Variants in CASKIN2 observed in about 807,000 individuals in gnomAD.
CASKIN2 encodes CASK interacting protein 2, also known as caskin-2.
Under a neutral mutation model 107.1 loss-of-function variants are expected in CASKIN2, and 41 were observed. That is an observed-to-expected ratio of 0.38 (90% CI 0.30 to 0.50). The LOEUF is 0.50. Ranked by LOEUF, CASKIN2 falls within the 20% of genes least tolerant of loss-of-function variation. CASKIN2 has a pLI of 0.92. For synonymous variants in CASKIN2, 724 were observed against 705.6 expected (o/e 1.03, Z -0.41); for missense variants, 1,546 against 1,657.4 (o/e 0.93, Z 1.17).
chr17:75,513,713 G>T lies in CASKIN2; in HGVS notation c.92C>A (p.Thr31Lys). The change falls in exon 2 of 20, where the codon ACA (threonine) becomes AAA (lysine). Residue 31 changes from threonine (T) to lysine (K), a missense_variant and splice_region_variant. Coordinates refer to ENST00000321617, the MANE Select transcript of CASKIN2 (RefSeq NM_020753.5). ...TGCTCGTCCCACCCGGTACTCACTT[G>T]TCTTTGTGGCCTTGACCTTCGCCAC... The part of the protein sequence containing the change: ...KLVAKVKATK[T>K]KLLGSTKRLN... 4 of 1,612,580 alleles carry T rather than the reference G, an allele frequency of 2.5e-6. No homozygotes were observed. The highest frequency in any genetic ancestry group is 3.4e-6 in the Non-Finnish European group (4 of 1,179,308).
rs1337726756 is a variant in CASKIN2 at position 75,502,308 on chromosome 17, C to A, written c.2766G>T (p.Pro922=). ...CCTCCGTGTCTGACGCGGGCCCAGC[C>A]GGGGCAGGTGGGCCAGGGGGCTCTG... The part of the protein sequence containing the change: ...GPSEPPGPPA[P]AGPASDTEEE... Residue 922 remains proline (P), a synonymous_variant, in exon 18 of 20, where the codon CCG becomes CCT. Coordinates refer to ENST00000321617, the MANE Select transcript of CASKIN2 (RefSeq NM_020753.5). This position sits in a 1 kb window ranked among gnomAD's most constrained non-coding sequence, Gnocchi z 4.3. 8.0e-6 allele frequency: 12 copies of A among 1,492,034 alleles called. No homozygotes were observed. Among genetic ancestry groups the A allele is most frequent in the Non-Finnish European group, 1.1e-5 (12 of 1,124,078 alleles). 92.4% of individuals were successfully genotyped at this position (1,492,034 alleles called of 1,614,324 possible).
Position 75,506,525 on chromosome 17 carries a change from AG to A in CASKIN2, c.617+57del. On this transcript the variant is annotated intron_variant, in intron 7 of 19. Transcript: ENST00000321617. This position sits in a 1 kb window ranked among gnomAD's most constrained non-coding sequence, Gnocchi z 4.8. The stretch of plus-strand genomic sequence containing the variant: ...AAAAGGGCAGTGGGGGAGAGCACTG[AG>A]GGGCACCGATGGTCCCGCAGGCAGG... The A allele has an allele frequency of 1.2e-6, 2 of 1,604,346 alleles. No individual in the cohort carries two copies. Among genetic ancestry groups the A allele is most frequent in the Non-Finnish European group, 1.7e-6 (2 of 1,175,258 alleles).
chr17:75,502,845 A>G lies in CASKIN2; in HGVS notation c.2229T>C (p.Cys743=), dbSNP rs768924104. ...PEGTERPPKL[C]SSLPGQGPPP... ...GGGGTCCTTGGCCAGGAAGTGAAGA[A>G]CAAAGCTTAGGGGGCCGCTCTGTGC... Residue 743 remains cysteine (C), a synonymous_variant, in exon 18 of 20, where the codon TGT becomes TGC. Transcript: ENST00000321617. The surrounding 1 kb of genome is among the most constrained non-coding windows in gnomAD (Gnocchi z 4.3). 17 of 1,550,534 alleles carry G rather than the reference A, an allele frequency of 1.1e-5. No individual in the cohort carries two copies. The highest frequency in any genetic ancestry group is 9.9e-5 in the South Asian group (8 of 81,182).
chr17:75,503,708 G>A lies in CASKIN2; in HGVS notation c.1631C>T (p.Ser544Leu). ...GGCGATGCTGAGCTGAGCGATCTCT[G>A]AGGCGATCTTCTTCCTGTGCCCAGG... Reference protein sequence around the residue: ...TKPGHRKKIASEIAQLSIAEW... With the variant: ...TKPGHRKKIALEIAQLSIAEW... Residue 544 changes from serine to leucine, a missense_variant, in exon 16 of 20, where the codon TCA becomes TTA. By Grantham distance (145) the Ser-to-Leu change is moderately radical. Transcript: ENST00000321617. 1 of 1,612,592 alleles carries A rather than the reference G, an allele frequency of 6.2e-7. No homozygotes were observed. Among genetic ancestry groups the A allele is most frequent in the Non-Finnish European group, 8.5e-7 (1 of 1,180,004 alleles).
chr17:75,505,219 A>C lies in CASKIN2; in HGVS notation c.931-146T>G. On this transcript the variant is annotated intron_variant, in intron 10 of 19. Transcript: ENST00000321617. The surrounding 1 kb of genome is among the most constrained non-coding windows in gnomAD (Gnocchi z 5.1). Reference sequence around the variant, plus strand: ...TGGCCTCTGATGCCCACACTGGCCCAAGTTCCGCCCCTGCTGCCAGCAGCC... The same window carrying C: ...TGGCCTCTGATGCCCACACTGGCCCCAGTTCCGCCCCTGCTGCCAGCAGCC... The C allele has an allele frequency of 1.1e-6, 1 of 912,168 alleles. No homozygotes were observed. Among genetic ancestry groups the C allele is most frequent in the Non-Finnish European group, 1.7e-6 (1 of 594,104 alleles). The allele number at this position is 912,168 out of a possible 1,614,324, so 56.5% of individuals were successfully genotyped here. A position where few individuals can be genotyped will look rare whatever the true frequency, so the allele number is the denominator to read the frequency against.
chr17:75,501,780 T>G lies in CASKIN2; in HGVS notation c.3294A>C (p.Ala1098=). ...TCTCCCACAGGCCTCCCCTCTTACCTGCTCCGGGCACCTTGAGGAGGGCAG... is the reference window on the plus strand; with the variant it reads ...TCTCCCACAGGCCTCCCCTCTTACCGGCTCCGGGCACCTTGAGGAGGGCAG... ...APAALLKVPG[A]GTAPKPVSVA... is the part of the protein sequence containing the mutation. Residue 1098 remains alanine (A), a splice_region_variant and synonymous_variant, in exon 18 of 20, where the codon GCA becomes GCC. Transcript: ENST00000321617. 1 of 1,531,342 alleles carries G rather than the reference T, an allele frequency of 6.5e-7. No homozygotes were observed. Among genetic ancestry groups the G allele is most frequent in the Admixed American group, 2.1e-5 (1 of 48,436 alleles). The allele number at this position is 1,531,342 out of a possible 1,614,324, so 94.9% of individuals were successfully genotyped here.
rs143732418 is a variant in CASKIN2, at chr17:75,503,130, G to C, written c.1944C>G (p.Ile648Met). 1 of 1,606,350 alleles carries C rather than the reference G, an allele frequency of 6.2e-7. No individual in the cohort carries two copies. The highest frequency in any genetic ancestry group is 1.1e-5 in the South Asian group (1 of 90,266). Reference protein sequence around the residue: ...RLAKGPELMAIEGLENGEGPA... With the variant: ...RLAKGPELMAMEGLENGEGPA... ...GGCCTTCTCCGTTCTCCAGTCCCTC[G>C]ATGGCCATCAGCTCCGGACCCTTGG... The change falls in exon 18 of 20, where the codon ATC becomes ATG. Residue 648 changes from isoleucine to methionine, a missense_variant. Ile to Met is a conservative substitution (Grantham distance 10). This residue lies in a region of CASKIN2 where 1,311 missense variants were observed against 1,311.0 expected (regional missense o/e 1.00). Coordinates refer to ENST00000321617, the MANE Select transcript of CASKIN2 (RefSeq NM_020753.5).
chr17:75,500,834 C>G lies in CASKIN2; in HGVS notation c.*246G>C. ...CAGGAGCAGGGCTGTCCTGCTCAAT[C>G]GATCAAACCCTGGGAGGGGCTTTGC... On this transcript the variant is annotated 3_prime_UTR_variant, in exon 20 of 20. Transcript: ENST00000321617. The G allele has an allele frequency of 2.0e-6, 1 of 507,290 alleles. No homozygotes were observed. Among genetic ancestry groups the G allele is most frequent in the South Asian group, 2.0e-5 (1 of 49,108 alleles). The allele number at this position is 507,290 out of a possible 1,614,324, so 31.4% of individuals were successfully genotyped here.
At chr17:75,501,284 G>A in intron 19 of CASKIN2, 114 bp from the exon 20 acceptor site, 1 of 1,211,262 alleles carries the variant, frequency 8.3e-7, no homozygotes, top group Non-Finnish European at 1.1e-6. Context: ...GACCGGCCAG[G>A]CTCCTGTGCC....
chr17:75,506,362 C>T lies in CASKIN2; in HGVS notation c.669G>A (p.Thr223=), dbSNP rs1184881850. 5 of 1,611,842 alleles carry T rather than the reference C, an allele frequency of 3.1e-6. No individual in the cohort carries two copies. Among genetic ancestry groups the T allele is most frequent in the East Asian group, 2.2e-5 (1 of 44,874 alleles). ...IEINRQTKTG[T]ALHEAALYGK... is the part of the protein sequence containing the mutation. ...CATACAGTGCGGCCTCGTGGAGCGC[C>T]GTACCCGTCTTGGTCTGGCGGTTGA... Residue 223 remains threonine (T), a synonymous_variant, in exon 8 of 20, where the codon ACG becomes ACA. Coordinates refer to ENST00000321617, the MANE Select transcript of CASKIN2 (RefSeq NM_020753.5). The surrounding 1 kb of genome is among the most constrained non-coding windows in gnomAD (Gnocchi z 4.8).
At position 75,513,658 on chromosome 17, in the gene CASKIN2, C is replaced by T. The variant is rs2053332779; in HGVS notation, c.94+53G>A. 8 of 1,377,658 alleles carry T rather than the reference C, an allele frequency of 5.8e-6. No homozygotes were observed. The African/African-American group carries it at 1.1e-4, about 20-fold the overall frequency. 85.3% of individuals were successfully genotyped at this position (1,377,658 alleles called of 1,614,324 possible). A position where few individuals can be genotyped will look rare whatever the true frequency, so the allele number is the denominator to read the frequency against. On this transcript the variant is annotated intron_variant, in intron 2 of 19. Transcript: ENST00000321617. ...TGACCCACCCCCACCCACCAAGCCT[C>T]TGTGAACTGAGCGCTCGGCCTCAGC... is the stretch of plus-strand genomic sequence containing the variant.
intron 1 of CASKIN2, among the ~76,000 whole-genome samples, chr17:75,515,048 C>A (rs9807061): frequency 1.2e-4 from 18 of 152,192 alleles, no homozygotes; most frequent in African/African-American, 4.3e-4. Context: ...ACTCCCCAAA[C>A]GTCCCAAGCC....
At chr17:75,501,364 G>A in intron 19 of CASKIN2, 104 bp downstream of exon 19, 1 of 1,343,104 alleles carries the variant, frequency 7.4e-7, no homozygotes, top group South Asian at 1.3e-5. Context: ...TCCCGTTAGT[G>A]CCTGCAATGT....
chr17:75,512,964 G>A (rs7214794), intron 2 of CASKIN2, among the ~76,000 whole-genome samples: 12,772 of 151,910 alleles, frequency 0.084, 591 homozygotes, highest in Non-Finnish European at 0.1. Flanking sequence ...TGCTCTGGTT[G>A]AAATGTGTGC....
In CASKIN2 at chr17:75,502,455, G is replaced by C. The variant is rs776847589; in HGVS notation, c.2619C>G (p.Pro873=). Reference sequence around the variant, plus strand: ...GGCCAGAGACGGAGCTGAGGCGCTTGGGGGGCGGGGGCGGGGGGCCTTTGC... The same window carrying C: ...GGCCAGAGACGGAGCTGAGGCGCTTCGGGGGCGGGGGCGGGGGGCCTTTGC... The part of the protein sequence containing the change: ...ARRKGPPPPP[P]KRLSSVSGPS... Residue 873 remains proline (P), a synonymous_variant, in exon 18 of 20, where the codon CCC becomes CCG. Coordinates refer to ENST00000321617, the MANE Select transcript of CASKIN2 (RefSeq NM_020753.5). The surrounding 1 kb of genome is among the most constrained non-coding windows in gnomAD (Gnocchi z 4.3). 1.4e-6 allele frequency: 2 copies of C among 1,445,120 alleles called. No homozygotes were observed. Among genetic ancestry groups the C allele is most frequent in the South Asian group, 3.0e-5 (2 of 67,464 alleles). The allele number at this position is 1,445,120 out of a possible 1,614,324, so 89.5% of individuals were successfully genotyped here.
At position 75,502,750 on chromosome 17, in the gene CASKIN2, G is replaced by C. The variant is rs1475569858; in HGVS notation, c.2324C>G (p.Pro775Arg). Reference protein sequence around the residue: ...SPAPGPPPGAPWAFSYLAGPP... With the variant: ...SPAPGPPPGARWAFSYLAGPP... The stretch of plus-strand genomic sequence containing the variant: ...CCCGGCCAAGTAGGAGAAGGCCCAG[G>C]GTGCGCCAGGAGGTGGCCCTGGGGC... Residue 775 changes from proline to arginine, a missense_variant, in exon 18 of 20, where the codon CCC (proline) becomes CGC (arginine). Pro to Arg is a moderately radical substitution (Grantham distance 103). Around this residue, in one of 6 missense-constraint regions of CASKIN2, gnomAD observed 1,311 missense variants for 1,311.0 expected, o/e 1.00. Coordinates refer to ENST00000321617, the MANE Select transcript of CASKIN2 (RefSeq NM_020753.5). The surrounding 1 kb of genome is among the most constrained non-coding windows in gnomAD (Gnocchi z 4.3). 1.3e-6 allele frequency: 2 copies of C among 1,594,202 alleles called. No individual in the cohort carries two copies. The highest frequency in any genetic ancestry group is 8.6e-7 in the Non-Finnish European group (1 of 1,169,350).
intron 11 of CASKIN2, 21 bp downstream of exon 11, chr17:75,504,791 C>T: frequency 6.2e-7 from 1 of 1,600,906 alleles, no homozygotes; most frequent in Non-Finnish European, 8.5e-7. Flanking sequence ...GTGCCCAGCA[C>T]TGCCCCCTGG....
chr17:75,502,602 G>A lies in CASKIN2; in HGVS notation c.2472C>T (p.Gly824=), dbSNP rs2053212455. Residue 824 remains glycine (G), a synonymous_variant, in exon 18 of 20, where the codon GGC becomes GGT. Coordinates refer to ENST00000321617, the MANE Select transcript of CASKIN2 (RefSeq NM_020753.5). The surrounding 1 kb of genome is among the most constrained non-coding windows in gnomAD (Gnocchi z 4.3). ...GCCGCCGGGTAAGGGTAGCATAACT[G>A]CCTAGGGTGCTGCCCACTGGCCCTT... The part of the protein sequence containing the change: ...EAEGPVGSTL[G]SYATLTRRPG... 1.2e-6 allele frequency: 2 copies of A among 1,602,094 alleles called. No individual in the cohort carries two copies. The highest frequency in any genetic ancestry group is 2.7e-5 in the African/African-American group (2 of 74,766).
chr17:75,503,863 T>G lies in CASKIN2; in HGVS notation c.1567A>C (p.Met523Leu), dbSNP rs1283165887. ...AGYDVPTISR[M>L]TPEDLTAIGV... ...GCTGCAGCACCCACCTCAGGTGTCA[T>G]GCGGCTGATGGTAGGCACATCATAG... is the stretch of plus-strand genomic sequence containing the variant. The change falls in exon 15 of 20, where the codon ATG becomes CTG. Residue 523 changes from methionine (M) to leucine (L), a missense_variant. Physicochemically the swap from Met to Leu is conservative, Grantham distance 15 (BLOSUM62 2). This residue lies in a region of CASKIN2 where 1,311 missense variants were observed against 1,311.0 expected (regional missense o/e 1.00). Transcript: ENST00000321617. 1 of 1,612,516 alleles carries G rather than the reference T, an allele frequency of 6.2e-7. No individual in the cohort carries two copies. The highest frequency in any genetic ancestry group is 8.5e-7 in the Non-Finnish European group (1 of 1,179,886).
Sources: gnomAD v4.1 joint callset for allele counts (sites outside exome capture counted in the v4.1 genomes callset) on GRCh38, gnomAD v4.1.1 for gene constraint, gnomAD v4.1.1 regional missense constraint, Gnocchi (gnomAD v3.1) non-coding constraint, MANE v1.5 for transcripts, NCBI Gene and HGNC (gene_info 2026-07-23, HGNC 2026-07-21) for gene names.